DBF4B: variants seen among roughly 807,000 people sequenced by gnomAD.
DBF4B encodes protein DBF4 homolog B.
In DBF4B, 49 loss-of-function variants were observed where a neutral mutation model predicts 53.4. That is an observed-to-expected ratio of 0.92 (90% CI 0.73 to 1.16). The LOEUF (loss-of-function observed/expected upper bound fraction) is 1.16, where lower values mean the gene tolerates loss of function less well. Among genes scored for constraint, DBF4B ranks in the 50% most tolerant of loss-of-function variants. The pLI is 0.00. For missense variants in DBF4B, 692 were observed against 775.0 expected (o/e 0.89, Z 1.27); for synonymous variants, 257 against 288.7 (o/e 0.89, Z 1.11).
Position 44,722,913 on chromosome 17 carries a change from A to G in DBF4B, c.116A>G (p.Asn39Ser). 6.2e-7 allele frequency: 1 copy of G among 1,614,080 alleles called. No homozygotes were observed. The highest frequency in any genetic ancestry group is 8.5e-7 in the Non-Finnish European group (1 of 1,180,014). The change falls in exon 3 of 14, where the codon AAC becomes AGC. Residue 39 changes from asparagine to serine, a missense_variant. Physicochemically the swap from Asn to Ser is conservative, Grantham distance 46 (BLOSUM62 1). Transcript: ENST00000315005. ...VSRCLGKCQK[N>S]SPGARKHPFS... is the part of the protein sequence containing the mutation. Reference sequence around the variant, plus strand: ...AGGTGTCTAGGAAAATGCCAGAAGAACTCACCAGGTGCCAGGAAGCATCCC... The same window carrying G: ...AGGTGTCTAGGAAAATGCCAGAAGAGCTCACCAGGTGCCAGGAAGCATCCC...
At chr17:44,732,668 C>T (rs1974946176) in intron 6 of DBF4B, 1 of 164,078 alleles carries the variant, frequency 6.1e-6, no homozygotes, top group African/African-American at 2.4e-5. Context: ...GAGTTCGAGA[C>T]CAGCCTGACC....
In DBF4B at chr17:44,734,170, C is replaced by T. The variant is rs568653130; in HGVS notation, c.630+7C>T. The T allele has an allele frequency of 2.8e-5, 45 of 1,614,196 alleles. No homozygotes were observed. The highest frequency in any genetic ancestry group is 2.7e-5 in the African/African-American group (2 of 75,058). On this transcript the variant is annotated splice_region_variant and intron_variant, in intron 7 of 13. Coordinates refer to ENST00000315005, the MANE Select transcript of DBF4B (RefSeq NM_145663.3). ...ACAGCCAAAGAAGCCAGAGGTAGGT[C>T]ATCCTGCTGAACTGAAGGACAAATG...
intron 3 of DBF4B, among the ~76,000 whole-genome samples, 177 bp downstream of exon 3, chr17:44,723,199 C>T (rs940846583): frequency 7.2e-5 from 11 of 152,142 alleles, no homozygotes; most frequent in Admixed American, 2.6e-4. Context: ...CTCTGCCTCC[C>T]GGGTTCAAGC....
chr17:44,718,768 T>A (rs769969504), intron 2 of DBF4B: 3 of 151,936 alleles, frequency 2.0e-5, no homozygotes, highest in Non-Finnish European at 4.4e-5. Context: ...TACAGGAAGA[T>A]ACTTTGAGAC....
chr17:44,711,922 A>G (rs1355294607), intron 2 of DBF4B, among the ~76,000 whole-genome samples: 2 of 150,072 alleles, frequency 1.3e-5, no homozygotes, highest in Non-Finnish European at 3.0e-5. Context: ...GCGACAGAGC[A>G]AGACTCTGTC....
chr17:44,738,087 G>A (rs978933531), intron 8 of DBF4B, among the ~76,000 whole-genome samples: 3 of 152,218 alleles, frequency 2.0e-5, no homozygotes, highest in Non-Finnish European at 4.4e-5. Flanking sequence ...TTGGTTGGTC[G>A]ATAGCCTCCA....
At chr17:44,721,784 A>T (rs1973870028) in intron 2 of DBF4B, among the ~76,000 whole-genome samples, 1 of 150,880 alleles carries the variant, frequency 6.6e-6, no homozygotes, top group African/African-American at 2.4e-5. Context: ...TCAAAAGCTT[A>T]TGCCCTATCT....
chr17:44,737,828 T>A (rs72826857), intron 8 of DBF4B, among the ~76,000 whole-genome samples: 1 of 152,184 alleles, frequency 6.6e-6, no homozygotes, highest in Admixed American at 6.5e-5. Context: ...ATCCTGCTAA[T>A]AAGACCACTA....
At chr17:44,729,683 T>TACACACACACACAC (rs71361592) in intron 3 of DBF4B, among the ~76,000 whole-genome samples, 54 of 138,254 alleles carry the variant, frequency 3.9e-4, no homozygotes, top group African/African-American at 7.7e-4. Context: ...GTAATACACA[T>TACACACACACACAC]ACACACACAC....
intron 2 of DBF4B, among the ~76,000 whole-genome samples, chr17:44,721,609 T>C (rs560050244): frequency 6.6e-6 from 1 of 152,280 alleles, no homozygotes; most frequent in East Asian, 1.9e-4. Context: ...TCAATGGTTT[T>C]TCTTTTTCCT....
At chr17:44,743,720 C>T (rs1030568533) in intron 10 of DBF4B, among the ~76,000 whole-genome samples, 6 of 151,146 alleles carry the variant, frequency 4.0e-5, no homozygotes, top group African/African-American at 1.5e-4. Flanking sequence ...ACGCGATTCT[C>T]CTCCCTCAGC....
intron 2 of DBF4B, among the ~76,000 whole-genome samples, chr17:44,711,671 G>A (rs191259639): frequency 5.3e-5 from 8 of 152,066 alleles, no homozygotes; most frequent in South Asian, 2.1e-4. Context: ...AAACAGAGCC[G>A]GGCGTGGTAG....
At chr17:44,746,798 G>A (rs2049103535) in intron 10 of DBF4B, among the ~76,000 whole-genome samples, 1 of 148,394 alleles carries the variant, frequency 6.7e-6, no homozygotes, top group Admixed American at 6.7e-5. Context: ...CAGCCTGGGT[G>A]ACTAAGCTAG....
chr17:44,713,065 A>G (rs1973033861), intron 2 of DBF4B, among the ~76,000 whole-genome samples: 2 of 122,750 alleles, frequency 1.6e-5, no homozygotes, highest in Admixed American at 9.0e-5. Flanking sequence ...TTTGAGACAG[A>G]GTCTTGCTCT....
intron 10 of DBF4B, among the ~76,000 whole-genome samples, chr17:44,742,046 A>G (rs1055297664): frequency 6.6e-6 from 1 of 151,810 alleles, no homozygotes; most frequent in Non-Finnish European, 1.5e-5. Context: ...CAGGAGTTTG[A>G]GACCAACTTG....
At chr17:44,713,480 C>T (rs566602152) in intron 2 of DBF4B, among the ~76,000 whole-genome samples, 3 of 151,968 alleles carry the variant, frequency 2.0e-5, no homozygotes, top group African/African-American at 2.4e-5. Context: ...TGGTGAAACC[C>T]TGTCTCTACT....
rs750732302 is a variant in DBF4B at position 44,730,978 on chromosome 17, G to A, written c.431G>A (p.Arg144Lys). 1.5e-5 allele frequency: 25 copies of A among 1,613,920 alleles called. 1 individual carries two copies. The South Asian group carries it at 2.7e-4, about 18-fold the overall frequency. The change falls in exon 5 of 14, where the codon AGA (arginine) becomes AAA (lysine). Residue 144 changes from arginine to lysine, a missense_variant. This residue lies in a region of DBF4B where 597 missense variants were observed against 665.8 expected (regional missense o/e 0.90). Coordinates refer to ENST00000315005, the MANE Select transcript of DBF4B (RefSeq NM_145663.3). ...TGTCCCTGTCAGGTGCCTCTAAGCA[G>A]AGGGAAGGAGCTGCTGCAGAAGGCT... ...RKPVDSVPLSRGKELLQKAIR... is the reference protein window; with the variant it reads ...RKPVDSVPLSKGKELLQKAIR...
chr17:44,742,279 G>A (rs952019289), intron 10 of DBF4B, among the ~76,000 whole-genome samples: 5 of 151,846 alleles, frequency 3.3e-5, no homozygotes, highest in African/African-American at 9.7e-5. Flanking sequence ...GCATTGTGGT[G>A]CACACCTGTA....
intron 6 of DBF4B, 120 bp from the exon 7 acceptor site, chr17:44,733,970 C>T: frequency 1.3e-6 from 1 of 774,226 alleles, no homozygotes; most frequent in Non-Finnish European, 2.2e-6. Context: ...AGGTGGCAGG[C>T]AAGGCTGGAG....
Sources: gnomAD v4.1 joint callset for allele counts (sites outside exome capture counted in the v4.1 genomes callset) on GRCh38, gnomAD v4.1.1 for gene constraint, gnomAD v4.1.1 regional missense constraint, MANE v1.5 for transcripts, NCBI Gene and HGNC (gene_info 2026-07-23, HGNC 2026-07-21) for gene names.